Variants in POLDIP3 observed in about 807,000 individuals in gnomAD.
POLDIP3 encodes the protein polymerase delta-interacting protein 3.
Under a neutral mutation model 45.1 loss-of-function variants are expected in POLDIP3, and 14 were observed. The ratio of observed to expected loss-of-function variants is 0.31; its 90% CI spans 0.20 to 0.49. The LOEUF is 0.49. Among genes scored for constraint, POLDIP3 ranks in the 20% least tolerant of loss-of-function variants. The pLI is 0.99. For missense variants in POLDIP3, 511 were observed against 538.8 expected, an observed-to-expected ratio of 0.95 and a Z score of 0.51; for synonymous variants, 223 against 205.2, an observed-to-expected ratio of 1.09 and a Z score of -0.74.
Position 42,587,520 on chromosome 22 carries a change from G to T in POLDIP3, c.1074C>A (p.Asp358Glu), listed in dbSNP as rs368081483. Residue 358 changes from aspartate (D) to glutamate (E), a missense_variant, in exon 8 of 9, where the codon GAC becomes GAA. Asp to Glu is a conservative substitution (Grantham distance 45). Coordinates refer to ENST00000252115, the MANE Select transcript of POLDIP3 (RefSeq NM_032311.5). ...TTGGAACTCACAGCAGGATGGGCTG[G>T]TCTGAGGTGATAACATTCCCATTCA... Reference protein sequence around the residue: ...LHMNGNVITSDQPILLRLSDS... With the variant: ...LHMNGNVITSEQPILLRLSDS... 24 of 1,614,080 alleles carry T rather than the reference G, an allele frequency of 1.5e-5. No individual in the cohort carries two copies. Among genetic ancestry groups the T allele is most frequent in the Non-Finnish European group, 1.9e-5 (22 of 1,179,924 alleles).
At chr22:42,596,733 G>C (rs535368359) in intron 4 of POLDIP3, among the ~76,000 whole-genome samples, 2 of 152,270 alleles carry the variant, frequency 1.3e-5, no homozygotes, top group African/African-American at 4.8e-5. Flanking sequence ...AAGGCCAAAA[G>C]CTTGGCCAGG....
At chr22:42,607,542 G>A (rs1044407179) in intron 1 of POLDIP3, among the ~76,000 whole-genome samples, 1 of 152,130 alleles carries the variant, frequency 6.6e-6, no homozygotes, top group Non-Finnish European at 1.5e-5. Flanking sequence ...CGTCTGGGAA[G>A]TGAGGAGCGT....
intron 1 of POLDIP3, among the ~76,000 whole-genome samples, chr22:42,613,766 A>AAG (rs570541706): frequency 5.7e-4 from 87 of 152,308 alleles, no homozygotes; most frequent in African/African-American, 2.0e-3. Context: ...GTCTCAAAAA[A>AAG]AACATAAAAA....
intron 1 of POLDIP3, among the ~76,000 whole-genome samples, chr22:42,607,777 A>G (rs1926842738): frequency 6.9e-6 from 1 of 145,196 alleles, no homozygotes; most frequent in Non-Finnish European, 1.5e-5. Flanking sequence ...CTGGGAACTG[A>G]GGAGTGTCTC....
At chr22:42,612,106 A>G (rs185056484) in intron 1 of POLDIP3, among the ~76,000 whole-genome samples, 9 of 152,278 alleles carry the variant, frequency 5.9e-5, no homozygotes, top group African/African-American at 1.9e-4. Context: ...CTTTGCCCCA[A>G]TCCAATCCCC....
intron 6 of POLDIP3, among the ~76,000 whole-genome samples, chr22:42,592,529 G>A (rs918752681): frequency 6.6e-6 from 1 of 152,208 alleles, no homozygotes; most frequent in African/African-American, 2.4e-5. Flanking sequence ...GGGTTTCCCT[G>A]GACATGAGAC....
At chr22:42,611,862 G>A (rs1927139971) in intron 1 of POLDIP3, among the ~76,000 whole-genome samples, 1 of 152,176 alleles carries the variant, frequency 6.6e-6, no homozygotes, top group Non-Finnish European at 1.5e-5. Context: ...GGGCAACAGA[G>A]TGAGACTCCA....
At chr22:42,590,488 A>G (rs1925594613) in intron 7 of POLDIP3, among the ~76,000 whole-genome samples, 1 of 152,286 alleles carries the variant, frequency 6.6e-6, no homozygotes, top group East Asian at 1.9e-4. Flanking sequence ...CCGGCTGTAC[A>G]GCATGTTACT....
At chr22:42,596,941 A>G (rs1396398950) in intron 4 of POLDIP3, among the ~76,000 whole-genome samples, 2 of 152,152 alleles carry the variant, frequency 1.3e-5, no homozygotes, top group African/African-American at 4.8e-5. Flanking sequence ...TTGCTTACAA[A>G]AAAAAAAATT....
chr22:42,592,776 T>C (rs1042127359), intron 6 of POLDIP3, among the ~76,000 whole-genome samples: 1 of 151,838 alleles, frequency 6.6e-6, no homozygotes, highest in African/African-American at 2.4e-5. Context: ...GCACACATCA[T>C]TGAGTCCGAT....
In POLDIP3 at chr22:42,596,282, A is replaced by G; in HGVS notation, c.717T>C (p.Pro239=). The change falls in exon 5 of 9, where the codon CCT becomes CCC. Residue 239 remains proline (P), a synonymous_variant. Transcript: ENST00000252115. Reference sequence around the variant, plus strand: ...TTGTTCGAATAGAGGAAGGGAGAGCAGGAGCTGTGTATGCATCATTCTGAA... The same window carrying G: ...TTGTTCGAATAGAGGAAGGGAGAGCGGGAGCTGTGTATGCATCATTCTGAA... ...KVVQNDAYTA[P]ALPSSIRTKA... 1 of 1,614,160 alleles carries G rather than the reference A, an allele frequency of 6.2e-7. No individual in the cohort carries two copies. The highest frequency in any genetic ancestry group is 8.5e-7 in the Non-Finnish European group (1 of 1,179,964).
At chr22:42,599,437 C>G (rs1926205785) in intron 4 of POLDIP3, among the ~76,000 whole-genome samples, 1 of 152,220 alleles carries the variant, frequency 6.6e-6, no homozygotes, top group African/African-American at 2.4e-5. Flanking sequence ...AACCTCATCT[C>G]TACTAAAAAT....
intron 6 of POLDIP3, among the ~76,000 whole-genome samples, chr22:42,594,194 G>A (rs1569297655): frequency 6.6e-6 from 1 of 152,136 alleles, no homozygotes; most frequent in Non-Finnish European, 1.5e-5. Context: ...CCAGGAGGCG[G>A]AAGTTGCAGT....
At chr22:42,607,438 G>A (rs1181955571) in intron 1 of POLDIP3, among the ~76,000 whole-genome samples, 3 of 152,254 alleles carry the variant, frequency 2.0e-5, no homozygotes, top group Non-Finnish European at 2.9e-5. Flanking sequence ...GGAATGCAGT[G>A]GAGTGATCTC....
rs777788044 is a variant in POLDIP3 at position 42,585,984 on chromosome 22, A to G, written c.1089-16T>C. ...ACTCAGCCGCCTGTGGAGAGCAGAG[A>G]AGAGTCAAAAATTCTTGTCAGTTTT... On this transcript the variant is annotated splice_polypyrimidine_tract_variant and intron_variant, in intron 8 of 8. Coordinates refer to ENST00000252115, the MANE Select transcript of POLDIP3 (RefSeq NM_032311.5). 2 of 1,582,528 alleles carry G rather than the reference A, an allele frequency of 1.3e-6. No individual in the cohort carries two copies. The highest frequency in any genetic ancestry group is 1.7e-6 in the Non-Finnish European group (2 of 1,164,696).
At chr22:42,612,546 T>A (rs911594975) in intron 1 of POLDIP3, among the ~76,000 whole-genome samples, 2 of 152,192 alleles carry the variant, frequency 1.3e-5, no homozygotes, top group Admixed American at 1.3e-4. Context: ...ACATACCTTC[T>A]GGCCCGGCGC....
rs1925142562 is a variant in POLDIP3, at chr22:42,584,122, A to T, written c.*1669T>A. 1 of 152,758 alleles carries T rather than the reference A, an allele frequency of 6.5e-6. No individual in the cohort carries two copies. 9.5% of individuals were successfully genotyped at this position (152,758 alleles called of 1,614,324 possible). ...AAGCAGTGAGCCCCCGGCTCCCAGT[A>T]CCTGAAAAACCAGGTCCTACTGCCT... On this transcript the variant is annotated 3_prime_UTR_variant, in exon 9 of 9. Transcript: ENST00000252115.
Position 42,585,571 on chromosome 22 carries a change from G to C in POLDIP3, c.*220C>G. 1 of 561,174 alleles carries C rather than the reference G, an allele frequency of 1.8e-6. No homozygotes were observed. The highest frequency in any genetic ancestry group is 3.2e-6 in the Non-Finnish European group (1 of 317,004). 34.8% of individuals were successfully genotyped at this position (561,174 alleles called of 1,614,324 possible). Reference sequence around the variant, plus strand: ...CACAAGCCTACCTTGGCGATGAGATGAAGAAACATACTACAGGAAACGTTA... The same window carrying C: ...CACAAGCCTACCTTGGCGATGAGATCAAGAAACATACTACAGGAAACGTTA... On this transcript the variant is annotated 3_prime_UTR_variant, in exon 9 of 9. Transcript: ENST00000252115.
intron 1 of POLDIP3, chr22:42,603,626 T>G (rs1024388236): frequency 1.2e-5 from 2 of 161,042 alleles, no homozygotes; most frequent in African/African-American, 4.8e-5. Context: ...AGAAGCAGGT[T>G]TGGAGAGGCT....
Sources: allele counts gnomAD v4.1 joint callset (sites outside exome capture counted in the v4.1 genomes callset), GRCh38; gene constraint gnomAD v4.1.1; transcripts MANE v1.5; gene names NCBI Gene and HGNC (gene_info 2026-07-23, HGNC 2026-07-21).